The following ARMH3 variants were observed in gnomAD, a reference collection of about 807,000 sequenced individuals.
ARMH3 encodes the protein armadillo like helical domain containing 3, also known as armadillo-like helical domain-containing protein 3.
ARMH3 carries 60 observed loss-of-function variants against 99.1 expected under a neutral mutation model. The observed-to-expected ratio is 0.61, with a 90% CI of 0.49 to 0.75. ARMH3 has a LOEUF of 0.75. Ranked by LOEUF, ARMH3 falls within the 30% of genes least tolerant of loss-of-function variation. The pLI is 0.00. For synonymous variants in ARMH3, 285 were observed against 292.8 expected, an observed-to-expected ratio of 0.97 and a Z score of 0.27; for missense variants, 679 against 843.1, an observed-to-expected ratio of 0.81 and a Z score of 2.41.
intron 24 of ARMH3, among the ~76,000 whole-genome samples, chr10:101,873,141 C>T (rs1438162167): frequency 6.6e-6 from 1 of 151,078 alleles, no homozygotes; most frequent in East Asian, 1.9e-4. Context: ...CAGTGGCTCA[C>T]GTCTGTAATC....
At chr10:102,048,970 C>T (rs2067624126) in intron 1 of ARMH3, among the ~76,000 whole-genome samples, 1 of 152,148 alleles carries the variant, frequency 6.6e-6, no homozygotes, top group Non-Finnish European at 1.5e-5. Flanking sequence ...CCCAGCCCTT[C>T]AAGCTATCTC....
chr10:101,936,596 G>T (rs1334311957), intron 23 of ARMH3, among the ~76,000 whole-genome samples: 1 of 151,432 alleles, frequency 6.6e-6, no homozygotes, highest in Non-Finnish European at 1.5e-5. Context: ...AAAAACTATG[G>T]CAATTTCTCA....
At chr10:101,917,599 T>G (rs887599854) in intron 23 of ARMH3, among the ~76,000 whole-genome samples, 1 of 152,212 alleles carries the variant, frequency 6.6e-6, no homozygotes, top group African/African-American at 2.4e-5. Flanking sequence ...GGTAAACATT[T>G]AGGAGTGGAC....
chr10:102,054,830 T>TA (rs1227054798), intron 1 of ARMH3, among the ~76,000 whole-genome samples: 1 of 151,728 alleles, frequency 6.6e-6, no homozygotes, highest in Non-Finnish European at 1.5e-5. Flanking sequence ...ACCCTGTCTC[T>TA]ACTAAAAATA....
chr10:101,910,731 C>G (rs1458144098), intron 23 of ARMH3, among the ~76,000 whole-genome samples: 1 of 77,612 alleles, frequency 1.3e-5, no homozygotes, highest in African/African-American at 5.0e-5. Context: ...GACTCCATCT[C>G]AAAAAAAAAA....
At chr10:101,857,761 G>A (rs1030557314) in intron 24 of ARMH3, among the ~76,000 whole-genome samples, 2 of 152,078 alleles carry the variant, frequency 1.3e-5, no homozygotes, top group African/African-American at 2.4e-5. Context: ...TTTGTTATTG[G>A]GTCTAAAATG....
At chr10:101,896,446 G>C (rs532538071) in intron 23 of ARMH3, among the ~76,000 whole-genome samples, 1 of 152,200 alleles carries the variant, frequency 6.6e-6, no homozygotes, top group Non-Finnish European at 1.5e-5. Context: ...GGGAGTGACT[G>C]CTATTGGGTA....
chr10:101,997,408 A>G (rs1409708984), intron 15 of ARMH3, among the ~76,000 whole-genome samples: 1 of 152,106 alleles, frequency 6.6e-6, no homozygotes, highest in African/African-American at 2.4e-5. Context: ...CCTGGCCAAC[A>G]TGGTGAAACC....
intron 23 of ARMH3, among the ~76,000 whole-genome samples, chr10:101,894,538 C>A (rs1054606879): frequency 2.0e-5 from 3 of 152,168 alleles, no homozygotes; most frequent in Non-Finnish European, 4.4e-5. Flanking sequence ...CTGGCCAAGG[C>A]GCTAGACTAG....
intron 24 of ARMH3, among the ~76,000 whole-genome samples, chr10:101,860,045 G>C (rs2066826444): frequency 6.6e-6 from 1 of 152,060 alleles, no homozygotes; most frequent in Non-Finnish European, 1.5e-5. Flanking sequence ...TGTTAGTTAA[G>C]GCTAGCACTT....
Position 102,029,739 on chromosome 10 carries a change from A to G in ARMH3, c.313T>C (p.Cys105Arg), listed in dbSNP as rs775686136. ...IRVVNALQTL[C>R]ALIRGVHQKN... Reference sequence around the variant, plus strand: ...TGATGGACTCCTCGAATGAGTGCGCACAGGGTCTGCAGAAATGAGAGAAAG... The same window carrying G: ...TGATGGACTCCTCGAATGAGTGCGCGCAGGGTCTGCAGAAATGAGAGAAAG... Residue 105 changes from cysteine (C) to arginine (R), a missense_variant, in exon 5 of 26, where the codon TGC (cysteine) becomes CGC (arginine). Cys to Arg is a radical substitution (Grantham distance 180, BLOSUM62 -3). Around this residue, in one of 3 missense-constraint regions of ARMH3, gnomAD observed 280 missense variants for 354.6 expected, o/e 0.79. Transcript: ENST00000370033. 1.2e-5 allele frequency: 20 copies of G among 1,612,004 alleles called. No individual in the cohort carries two copies. The highest frequency in any genetic ancestry group is 1.4e-5 in the Non-Finnish European group (17 of 1,178,330).
At chr10:101,939,477 T>C (rs1046277480) in intron 23 of ARMH3, among the ~76,000 whole-genome samples, 1 of 152,140 alleles carries the variant, frequency 6.6e-6, no homozygotes, top group Non-Finnish European at 1.5e-5. Context: ...ATAGAAATAG[T>C]CACGTAAAGT....
chr10:102,009,920 C>G (rs998831097), intron 12 of ARMH3, 57 bp downstream of exon 12: 2 of 1,505,944 alleles, frequency 1.3e-6, no homozygotes, highest in Non-Finnish European at 1.8e-6. Flanking sequence ...CTCTCATATC[C>G]AGCAGGACAG....
chr10:101,875,406 A>T (rs1341721197), intron 24 of ARMH3, among the ~76,000 whole-genome samples: 1 of 152,200 alleles, frequency 6.6e-6, no homozygotes, highest in African/African-American at 2.4e-5. Flanking sequence ...TTTGGAAACA[A>T]TGATCCAAAA....
intron 23 of ARMH3, among the ~76,000 whole-genome samples, chr10:101,924,347 T>C (rs1354463070): frequency 1.3e-5 from 2 of 151,862 alleles, no homozygotes; most frequent in African/African-American, 2.4e-5. Context: ...CTTTGGTCTT[T>C]GTGCTTTTCT....
chr10:101,944,316 A>AGAGG (rs1016893193), intron 22 of ARMH3, among the ~76,000 whole-genome samples: 1 of 126,574 alleles, frequency 7.9e-6, no homozygotes, highest in Non-Finnish European at 1.6e-5. Context: ...AGAGAGAGAG[A>AGAGG]GAGAGAGAGA....
At chr10:101,961,439 C>A (rs547538884) in intron 20 of ARMH3, among the ~76,000 whole-genome samples, 1 of 152,190 alleles carries the variant, frequency 6.6e-6, no homozygotes, top group East Asian at 1.9e-4. Context: ...GAGCCAAGAT[C>A]CCCTTTCTTT....
intron 22 of ARMH3, among the ~76,000 whole-genome samples, chr10:101,955,798 T>A (rs1845006851): frequency 6.6e-6 from 1 of 152,238 alleles, no homozygotes; most frequent in Admixed American, 6.5e-5. Flanking sequence ...AGGAAACTTT[T>A]CAGAGGTGAC....
intron 19 of ARMH3, among the ~76,000 whole-genome samples, chr10:101,986,061 A>C (rs1205343274): frequency 4.0e-5 from 6 of 151,558 alleles, no homozygotes; most frequent in Non-Finnish European, 7.4e-5. Flanking sequence ...CACACACACA[A>C]ACACACACAC....
Sources: allele counts gnomAD v4.1 joint callset (sites outside exome capture counted in the v4.1 genomes callset), GRCh38; gene constraint gnomAD v4.1.1; regional missense constraint gnomAD v4.1.1; transcripts MANE v1.5; gene names NCBI Gene and HGNC (gene_info 2026-07-23, HGNC 2026-07-21).